Variants in SKI observed in about 807,000 individuals in gnomAD.
SKI encodes the protein ski oncogene.
In SKI, 23 loss-of-function variants were observed where a neutral mutation model predicts 59.3. The ratio of observed to expected loss-of-function variants is 0.39; its 90% CI spans 0.28 to 0.55. The LOEUF is 0.55. Ranked by LOEUF, SKI falls within the 20% of genes least tolerant of loss-of-function variation. The pLI is 0.67. For missense variants in SKI, 1,017 were observed against 1,038.9 expected, an observed-to-expected ratio of 0.98 and a Z score of 0.29; for synonymous variants, 673 against 488.6, an observed-to-expected ratio of 1.38 and a Z score of -4.98.
At position 2,231,265 on chromosome 1, in the gene SKI, A is replaced by T. The variant is rs1168876033; in HGVS notation, c.969+1530A>T. The stretch of plus-strand genomic sequence containing the variant: ...GCTCGTGCAGGCTGCGTAGTGGGTC[A>T]CCTGTGGCCAAGGCCTGAGCTGCTG... On this transcript the variant is annotated intron_variant, in intron 1 of 6. Transcript: ENST00000378536. 7.9e-5 allele frequency among the ~76,000 whole-genome samples: 12 copies of T among 152,084 alleles called. No individual in the cohort carries two copies. The East Asian group carries it at 2.3e-3, about 29-fold the overall frequency.
chr1:2,233,589 G>A (rs546642939), intron 1 of SKI, among the ~76,000 whole-genome samples: 40 of 152,252 alleles, frequency 2.6e-4, no homozygotes, highest in Middle Eastern at 3.4e-3. Flanking sequence ...GTCCGCGACG[G>A]GGGTTTTCTG....
At chr1:2,304,237 G>A (rs1021389364) in intron 4 of SKI, 56 bp from the exon 5 acceptor site, 7 of 1,552,766 alleles carry the variant, frequency 4.5e-6, no homozygotes, top group African/African-American at 2.7e-5. Context: ...CGTCTCCCTG[G>A]TGTGGAGCTG....
At chr1:2,298,200 C>T (rs1386016241) in intron 1 of SKI, among the ~76,000 whole-genome samples, 3 of 152,342 alleles carry the variant, frequency 2.0e-5, no homozygotes, top group African/African-American at 4.8e-5. Context: ...TGGATACATG[C>T]GCGCCCTCGT....
intron 1 of SKI, among the ~76,000 whole-genome samples, chr1:2,272,744 G>T (rs973099177): frequency 6.6e-6 from 1 of 152,252 alleles, no homozygotes; most frequent in Non-Finnish European, 1.5e-5. Flanking sequence ...TGTCAATAGC[G>T]TGTTGGAGTC....
chr1:2,303,262 CACAG>C lies in SKI; in HGVS notation c.1096-19_1096-16del. 6.2e-7 allele frequency: 1 copy of C among 1,611,174 alleles called. No homozygotes were observed. Among genetic ancestry groups the C allele is most frequent in the Non-Finnish European group, 8.5e-7 (1 of 1,178,484 alleles). On this transcript the variant is annotated intron_variant, in intron 2 of 6. Transcript: ENST00000378536. This position sits in a 1 kb window ranked among gnomAD's most constrained non-coding sequence, Gnocchi z 5.6. ...GGCTTGTTTTTCTCCTGGTCACTCACACAGACAACTCTTTCTCGACAGAGCCTGG... is the reference window on the plus strand; with the variant it reads ...GGCTTGTTTTTCTCCTGGTCACTCACACAACTCTTTCTCGACAGAGCCTGG...
intron 1 of SKI, among the ~76,000 whole-genome samples, chr1:2,244,810 T>C (rs529657073): frequency 1.3e-5 from 2 of 152,290 alleles, no homozygotes; most frequent in Admixed American, 6.5e-5. Context: ...ACACATAGGC[T>C]GACAGTGAAG....
rs1223464818 is a variant in SKI, at chr1:2,304,574, A to C, written c.1756A>C (p.Ser586Arg). The change falls in exon 5 of 7, where the codon AGC (serine) becomes CGC (arginine). Residue 586 changes from serine to arginine, a missense_variant. Transcript: ENST00000378536. ...CAGCGCAGCCCTGCAGGCCAAGCGC[A>C]GCCTCCACCAGGTGAGCGGGGCGAG... ...KLSAALQAKR[S>R]LHQELEFLRV... 1 of 1,556,184 alleles carries C rather than the reference A, an allele frequency of 6.4e-7. No individual in the cohort carries two copies. Among genetic ancestry groups the C allele is most frequent in the Admixed American group, 1.9e-5 (1 of 52,184 alleles).
intron 1 of SKI, among the ~76,000 whole-genome samples, chr1:2,302,297 C>T (rs962985201): frequency 7.2e-5 from 11 of 152,138 alleles, no homozygotes; most frequent in African/African-American, 2.2e-4. Flanking sequence ...TGGCAAGGAG[C>T]GAGGCAAAGG....
intron 1 of SKI, among the ~76,000 whole-genome samples, chr1:2,290,828 A>T (rs1381950136): frequency 2.0e-5 from 3 of 151,750 alleles, no homozygotes; most frequent in Non-Finnish European, 2.9e-5. Context: ...CTTACGAAAC[A>T]CTCTTAATTG....
chr1:2,304,009 A>G lies in SKI; in HGVS notation c.1381A>G (p.Thr461Ala), dbSNP rs761057696. The G allele has an allele frequency of 6.2e-7, 1 of 1,612,450 alleles. No individual in the cohort carries two copies. Among genetic ancestry groups the G allele is most frequent in the Non-Finnish European group, 8.5e-7 (1 of 1,179,846 alleles). Reference protein sequence around the residue: ...QPRKRKLTVDTPGAPETLAPV... With the variant: ...QPRKRKLTVDAPGAPETLAPV... ...TCGGAAGCGGAAGCTGACTGTGGACACCCCAGGAGCCCCAGAGACGCTGGC... is the reference window on the plus strand; with the variant it reads ...TCGGAAGCGGAAGCTGACTGTGGACGCCCCAGGAGCCCCAGAGACGCTGGC... Residue 461 changes from threonine (T) to alanine (A), a missense_variant, in exon 4 of 7, where the codon ACC (threonine) becomes GCC (alanine). Coordinates refer to ENST00000378536, the MANE Select transcript of SKI (RefSeq NM_003036.4).
chr1:2,229,846 C>T lies in SKI; in HGVS notation c.969+111C>T, dbSNP rs532542077. On this transcript the variant is annotated intron_variant, in intron 1 of 6. Coordinates refer to ENST00000378536, the MANE Select transcript of SKI (RefSeq NM_003036.4). This position sits in a 1 kb window ranked among gnomAD's most constrained non-coding sequence, Gnocchi z 6.3. ...TGGGACCTGTGCTTCTGCCGTGCCCCATGTCTCCAGTCTTCGCTTTGTTTT... is the reference window on the plus strand; with the variant it reads ...TGGGACCTGTGCTTCTGCCGTGCCCTATGTCTCCAGTCTTCGCTTTGTTTT... The T allele has an allele frequency of 5.3e-6, 8 of 1,521,470 alleles. No individual in the cohort carries two copies. Among genetic ancestry groups the T allele is most frequent in the Middle Eastern group, 1.8e-4 (1 of 5,564 alleles). The allele number at this position is 1,521,470 out of a possible 1,614,324, so 94.2% of individuals were successfully genotyped here.
At chr1:2,298,160 C>T (rs1557847622) in intron 1 of SKI, among the ~76,000 whole-genome samples, 1 of 152,178 alleles carries the variant, frequency 6.6e-6, no homozygotes, top group South Asian at 2.1e-4. Context: ...GTGAAGCCGG[C>T]GTCACAAAGG....
At chr1:2,242,220 C>T (rs191451820) in intron 1 of SKI, among the ~76,000 whole-genome samples, 99 of 152,298 alleles carry the variant, frequency 6.5e-4, no homozygotes, top group African/African-American at 2.2e-3. Context: ...GAACACTTCC[C>T]GTGCATGTCT....
Position 2,228,951 on chromosome 1 carries a change from C to CCGGG in SKI, c.185_186insCGGG (p.Pro63GlyfsTer168). Reference sequence around the variant, plus strand: ...GAGGCGGGCGCGGCCGCGGTGCCGGCGCCGGTGCCCGCAGCCACCGAGCCG... The same window carrying CCGGG: ...GAGGCGGGCGCGGCCGCGGTGCCGGCCGGGGCCGGTGCCCGCAGCCACCGAGCCG... On this transcript the variant is annotated frameshift_variant, in exon 1 of 7. Transcript: ENST00000378536. LOFTEE classifies it high-confidence loss of function. 1 of 1,396,836 alleles carries CCGGG rather than the reference C, an allele frequency of 7.2e-7. No homozygotes were observed. The highest frequency in any genetic ancestry group is 9.3e-7 in the Non-Finnish European group (1 of 1,077,474). 86.5% of individuals were successfully genotyped at this position (1,396,836 alleles called of 1,614,324 possible). A position where few individuals can be genotyped will look rare whatever the true frequency, so the allele number is the denominator to read the frequency against.
At chr1:2,249,027 C>T (rs576976619) in intron 1 of SKI, among the ~76,000 whole-genome samples, 3 of 152,332 alleles carry the variant, frequency 2.0e-5, no homozygotes, top group South Asian at 4.1e-4. Flanking sequence ...GATGGATTCC[C>T]GTAGGTACTT....
chr1:2,254,043 G>C (rs1282852382), intron 1 of SKI, among the ~76,000 whole-genome samples: 1 of 152,240 alleles, frequency 6.6e-6, no homozygotes, highest in African/African-American at 2.4e-5. Flanking sequence ...ACGGATGCTT[G>C]TCCGGAGCTG....
intron 1 of SKI, among the ~76,000 whole-genome samples, chr1:2,290,222 G>C (rs1382009235): frequency 1.3e-5 from 2 of 152,126 alleles, no homozygotes; most frequent in Non-Finnish European, 2.9e-5. Context: ...GGCAAGTCCC[G>C]GGGCTCCTGG....
intron 1 of SKI, among the ~76,000 whole-genome samples, chr1:2,271,415 G>C (rs1386266806): frequency 1.3e-5 from 2 of 152,072 alleles, no homozygotes; most frequent in Non-Finnish European, 2.9e-5. Context: ...GTGGCGCCTG[G>C]GCTGGTGTCA....
chr1:2,300,246 T>C (rs1056708584), intron 1 of SKI, among the ~76,000 whole-genome samples: 3 of 152,218 alleles, frequency 2.0e-5, no homozygotes, highest in Non-Finnish European at 4.4e-5. Context: ...GCCTCCGCTG[T>C]GTAAGCTGAC....
Sources: gnomAD v4.1 joint callset for allele counts (sites outside exome capture counted in the v4.1 genomes callset) on GRCh38, gnomAD v4.1.1 for gene constraint, Gnocchi (gnomAD v3.1) non-coding constraint, MANE v1.5 for transcripts, NCBI Gene and HGNC (gene_info 2026-07-23, HGNC 2026-07-21) for gene names.